CRYBG3: variants seen among roughly 807,000 people sequenced by gnomAD.
The protein encoded by CRYBG3 is crystallin beta-gamma domain containing 3.
CRYBG3 carries 127 observed loss-of-function variants against 244.2 expected under a neutral mutation model. The ratio of observed to expected loss-of-function variants is 0.52; its 90% CI spans 0.45 to 0.60. The LOEUF (loss-of-function observed/expected upper bound fraction) is 0.60, where lower values mean the gene tolerates loss of function less well. Among genes scored for constraint, CRYBG3 ranks in the 20% least tolerant of loss-of-function variants. The probability of loss-of-function intolerance (pLI) is 0.00; values close to 1 mark genes in which losing one functional copy is unlikely to be tolerated. For missense variants in CRYBG3, 3,325 were observed against 3,442.5 expected, an observed-to-expected ratio of 0.97 and a Z score of 0.85; for synonymous variants, 1,132 against 1,195.8, an observed-to-expected ratio of 0.95 and a Z score of 1.10.
Position 97,875,980 on chromosome 3 carries a change from G to A in CRYBG3, c.4786G>A (p.Glu1596Lys). 8.1e-7 allele frequency: 1 copy of A among 1,232,122 alleles called. No homozygotes were observed. Among genetic ancestry groups the A allele is most frequent in the Non-Finnish European group, 1.0e-6 (1 of 987,956 alleles). 76.3% of individuals were successfully genotyped at this position (1,232,122 alleles called of 1,614,324 possible). A position where few individuals can be genotyped will look rare whatever the true frequency, so the allele number is the denominator to read the frequency against. ...EPKANVFKMG[E>K]VYQMDAESCI... ...AAAAGCTAATGTTTTTAAAATGGGA[G>A]AAGTATACCAAATGGATGCCGAGAG... Residue 1596 changes from glutamate to lysine, a missense_variant, in exon 4 of 22, where the codon GAA becomes AAA. Transcript: ENST00000389622.
rs758771403 is a variant in CRYBG3 at position 97,874,161 on chromosome 3, C to T, written c.2967C>T (p.Ser989=). 2.0e-5 allele frequency: 31 copies of T among 1,531,600 alleles called. No homozygotes were observed. Among genetic ancestry groups the T allele is most frequent in the Admixed American group, 2.0e-5 (1 of 49,966 alleles). 94.9% of individuals were successfully genotyped at this position (1,531,600 alleles called of 1,614,324 possible). Residue 989 remains serine (S), a synonymous_variant, in exon 4 of 22, where the codon AGC becomes AGT. Transcript: ENST00000389622. ...GTCACTCAGAAATGGCGGAACTCAG[C>T]TTAACTAATATTTCCCCTAAATTCC... The part of the protein sequence containing the change: ...ISGHSEMAEL[S]LTNISPKFQE...
intron 6 of CRYBG3, among the ~76,000 whole-genome samples, 180 bp downstream of exon 6, chr3:97,880,280 T>C (rs2039429971): frequency 6.6e-6 from 1 of 152,222 alleles, no homozygotes. Context: ...TTATTTACTA[T>C]GGCATAAAAT....
Position 97,872,629 on chromosome 3 carries a change from A to G in CRYBG3, c.1435A>G (p.Thr479Ala), listed in dbSNP as rs1363163332. Reference sequence around the variant, plus strand: ...AGAGAGTGAGTGTTCTGACAAGCAAACCATAGATAGCTCATCAAAGCAAGC... The same window carrying G: ...AGAGAGTGAGTGTTCTGACAAGCAAGCCATAGATAGCTCATCAAAGCAAGC... ...LPESECSDKQTIDSSSKQAAT... is the reference protein window; with the variant it reads ...LPESECSDKQAIDSSSKQAAT... The change falls in exon 4 of 22, where the codon ACC (threonine) becomes GCC (alanine). Residue 479 changes from threonine (T) to alanine (A), a missense_variant. By Grantham distance (58) the Thr-to-Ala change is moderately conservative. This residue lies in a region of CRYBG3 where 1,526 missense variants were observed against 1,443.2 expected (regional missense o/e 1.06). Coordinates refer to ENST00000389622, the MANE Select transcript of CRYBG3 (RefSeq NM_153605.4). 23 of 1,535,838 alleles carry G rather than the reference A, an allele frequency of 1.5e-5. No homozygotes were observed. The highest frequency in any genetic ancestry group is 1.9e-5 in the Non-Finnish European group (22 of 1,146,824).
intron 1 of CRYBG3, among the ~76,000 whole-genome samples, chr3:97,842,959 T>C (rs2038844108): frequency 6.6e-6 from 1 of 152,196 alleles, no homozygotes; most frequent in African/African-American, 2.4e-5. Context: ...TGATTATCTG[T>C]GTAAGAAAAT....
Position 97,873,583 on chromosome 3 carries a change from A to T in CRYBG3, c.2389A>T (p.Ile797Leu). 1 of 1,535,224 alleles carries T rather than the reference A, an allele frequency of 6.5e-7. No homozygotes were observed. Among genetic ancestry groups the T allele is most frequent in the South Asian group, 1.2e-5 (1 of 83,782 alleles). Residue 797 changes from isoleucine (I) to leucine (L), a missense_variant, in exon 4 of 22, where the codon ATA becomes TTA. Ile to Leu is a conservative substitution (Grantham distance 5). Coordinates refer to ENST00000389622, the MANE Select transcript of CRYBG3 (RefSeq NM_153605.4). ...SSNTKANMSI[I>L]EKSDSLSLEA... ...AAACACTAAAGCAAATATGAGCATA[A>T]TAGAGAAGTCTGATTCTCTTTCCTT...
chr3:97,872,607 G>C lies in CRYBG3; in HGVS notation c.1413G>C (p.Glu471Asp). ...SIRHEHLQLP[E>D]SECSDKQTID... ...GGCATGAACATCTGCAGTTGCCAGA[G>C]AGTGAGTGTTCTGACAAGCAAACCA... Residue 471 changes from glutamate (E) to aspartate (D), a missense_variant, in exon 4 of 22, where the codon GAG becomes GAC. This residue lies in a region of CRYBG3 where 1,526 missense variants were observed against 1,443.2 expected (regional missense o/e 1.06). Coordinates refer to ENST00000389622, the MANE Select transcript of CRYBG3 (RefSeq NM_153605.4). The C allele has an allele frequency of 6.5e-7, 1 of 1,535,926 alleles. No homozygotes were observed. The highest frequency in any genetic ancestry group is 8.7e-7 in the Non-Finnish European group (1 of 1,146,808).
intron 1 of CRYBG3, 127 bp downstream of exon 1, chr3:97,822,482 C>T: frequency 3.4e-6 from 3 of 889,812 alleles, no homozygotes; most frequent in Middle Eastern, 3.7e-4. Flanking sequence ...TTTCTGTTCT[C>T]CTTCCTCCAT....
In CRYBG3 at chr3:97,942,253, C is replaced by G; in HGVS notation, c.8665-31C>G. 6 of 1,568,562 alleles carry G rather than the reference C, an allele frequency of 3.8e-6. 1 individual carries two copies. In the South Asian group the frequency reaches 7.1e-5, roughly 19 times the overall value. The stretch of plus-strand genomic sequence containing the variant: ...TCAACTTACTTTAGCAAACATACTA[C>G]TGCCAATTAATCATTTCTTAACCCT... On this transcript the variant is annotated intron_variant, in intron 20 of 21. Coordinates refer to ENST00000389622, the MANE Select transcript of CRYBG3 (RefSeq NM_153605.4).
At chr3:97,879,387 C>T (rs558359070) in intron 4 of CRYBG3, among the ~76,000 whole-genome samples, 1 of 152,344 alleles carries the variant, frequency 6.6e-6, no homozygotes, top group Non-Finnish European at 1.5e-5. Flanking sequence ...CACCTCCATG[C>T]TGGTGCCATT....
chr3:97,845,571 T>C (rs2038888903), intron 2 of CRYBG3, among the ~76,000 whole-genome samples: 1 of 152,224 alleles, frequency 6.6e-6, no homozygotes, highest in African/African-American at 2.4e-5. Context: ...CCTTAAACTC[T>C]TGCTTCATTC....
chr3:97,838,576 A>C (rs954063082), intron 1 of CRYBG3, among the ~76,000 whole-genome samples: 5 of 152,040 alleles, frequency 3.3e-5, no homozygotes, highest in Non-Finnish European at 7.4e-5. Flanking sequence ...TATAGACATG[A>C]GTTCTGAAAG....
intron 17 of CRYBG3, among the ~76,000 whole-genome samples, chr3:97,922,939 G>T (rs1278546045): frequency 2.0e-5 from 3 of 151,994 alleles, no homozygotes; most frequent in African/African-American, 7.2e-5. Context: ...GAACCAACCC[G>T]AATGTCCATC....
Position 97,822,184 on chromosome 3 carries a change from C to A in CRYBG3, c.-23C>A. The A allele has an allele frequency of 6.6e-7, 1 of 1,503,904 alleles. No homozygotes were observed. The highest frequency in any genetic ancestry group is 8.8e-7 in the Non-Finnish European group (1 of 1,131,510). The allele number at this position is 1,503,904 out of a possible 1,614,324, so 93.2% of individuals were successfully genotyped here. The stretch of plus-strand genomic sequence containing the variant: ...CTAGGCCGTTCCCTTCAGACAGCCC[C>A]GGGCCAGCGGCCCCCTCGGGAAATG... On this transcript the variant is annotated 5_prime_UTR_variant, in exon 1 of 22. Coordinates refer to ENST00000389622, the MANE Select transcript of CRYBG3 (RefSeq NM_153605.4).
intron 2 of CRYBG3, among the ~76,000 whole-genome samples, chr3:97,861,681 T>C (rs541272699): frequency 1.3e-5 from 2 of 152,278 alleles, no homozygotes; most frequent in East Asian, 3.9e-4. Flanking sequence ...GCCTGAGTCC[T>C]GAGTGCTTTC....
chr3:97,855,425 T>C (rs2039049586), intron 2 of CRYBG3, among the ~76,000 whole-genome samples: 1 of 152,168 alleles, frequency 6.6e-6, no homozygotes, highest in Non-Finnish European at 1.5e-5. Flanking sequence ...TTGGTGTTCT[T>C]TAACAGTTTA....
Position 97,936,837 on chromosome 3 carries a change from C to T in CRYBG3, c.8434C>T (p.Pro2812Ser). 2 of 1,612,888 alleles carry T rather than the reference C, an allele frequency of 1.2e-6. No individual in the cohort carries two copies. Among genetic ancestry groups the T allele is most frequent in the Middle Eastern group, 1.7e-4 (1 of 6,052 alleles). ...CTTGGGAAGACAAATCCTACTCAGG[C>T]CTAATGAGATCCCAAACTGGACAGC... is the stretch of plus-strand genomic sequence containing the variant. ...NFLGRQILLR[P>S]NEIPNWTAFS... The change falls in exon 19 of 22, where the codon CCT (proline) becomes TCT (serine). Residue 2812 changes from proline to serine, a missense_variant. By Grantham distance (74) the Pro-to-Ser change is moderately conservative. Transcript: ENST00000389622.
intron 2 of CRYBG3, among the ~76,000 whole-genome samples, chr3:97,861,539 A>C (rs79177634): frequency 0.015 from 2,241 of 152,296 alleles, 51 homozygotes; most frequent in African/African-American, 0.051. Context: ...ACTGCATTAC[A>C]ACATATTGAA....
intron 2 of CRYBG3, among the ~76,000 whole-genome samples, chr3:97,851,306 A>C (rs573645919): frequency 6.6e-6 from 1 of 152,214 alleles, no homozygotes; most frequent in African/African-American, 2.4e-5. Context: ...TTAGTAGAAC[A>C]TTAACTAGAA....
At chr3:97,839,189 A>G (rs2108165426) in intron 1 of CRYBG3, among the ~76,000 whole-genome samples, 1 of 152,282 alleles carries the variant, frequency 6.6e-6, no homozygotes, top group East Asian at 1.9e-4. Context: ...TTGTGAGCAA[A>G]CAATAGGAAC....
Sources: gnomAD v4.1 joint callset for allele counts (sites outside exome capture counted in the v4.1 genomes callset) on GRCh38, gnomAD v4.1.1 for gene constraint, gnomAD v4.1.1 regional missense constraint, MANE v1.5 for transcripts, NCBI Gene and HGNC (gene_info 2026-07-23, HGNC 2026-07-21) for gene names.